Variants in SSUH2 observed in about 807,000 individuals in gnomAD.
SSUH2 encodes protein SSUH2 homolog.
SSUH2 carries 47 observed loss-of-function variants against 55.3 expected under a neutral mutation model. That is an observed-to-expected ratio of 0.85 (90% confidence interval 0.67 to 1.08). SSUH2 has a LOEUF of 1.08. Among genes scored for constraint, SSUH2 ranks in the 50% least tolerant of loss-of-function variants. The probability of loss-of-function intolerance (pLI) is 0.00; values close to 1 mark genes in which losing one functional copy is unlikely to be tolerated. For synonymous variants in SSUH2, 212 were observed against 191.5 expected, an observed-to-expected ratio of 1.11 and a Z score of -0.89; for missense variants, 535 against 490.7, an observed-to-expected ratio of 1.09 and a Z score of -0.85.
chr3:8,621,903 G>A (rs562454452), intron 11 of SSUH2, among the ~76,000 whole-genome samples: 61 of 152,196 alleles, frequency 4.0e-4, no homozygotes, highest in Non-Finnish European at 7.2e-4. Flanking sequence ...AGATCCAATG[G>A]AGAGCATGGC....
In SSUH2 at chr3:8,626,092, T is replaced by A. The variant is rs538097992; in HGVS notation, c.767+137A>T. ...CCCCACACTGCCTCTTCCAAGGGAA[T>A]TCTCCCCCTTCTAAGTCCTGGCAGG... On this transcript the variant is annotated intron_variant, in intron 9 of 11. Transcript: ENST00000544814. The A allele has an allele frequency of 2.2e-5, 16 of 715,004 alleles. 1 individual carries two copies. In the Admixed American group the frequency reaches 3.0e-4, roughly 13 times the overall value. The allele number at this position is 715,004 out of a possible 1,614,324, so 44.3% of individuals were successfully genotyped here.
intron 3 of SSUH2, 41 bp downstream of exon 3, chr3:8,635,259 T>G: frequency 6.8e-7 from 1 of 1,481,000 alleles, no homozygotes; most frequent in Non-Finnish European, 9.1e-7. Flanking sequence ...AATAGTGACA[T>G]AGGAAATGCA....
intron 1 of SSUH2, chr3:8,639,912 A>C: frequency 2.1e-6 from 2 of 955,292 alleles, no homozygotes; most frequent in Non-Finnish European, 1.2e-6. Flanking sequence ...GGAATCCAAC[A>C]GGCACACGTA....
intron 7 of SSUH2, among the ~76,000 whole-genome samples, chr3:8,655,863 C>T (rs1361503818): frequency 2.6e-5 from 4 of 152,184 alleles, no homozygotes; most frequent in African/African-American, 7.2e-5. Context: ...TTTCAAAACC[C>T]GCTCTGTTCT....
intron 6 of SSUH2, among the ~76,000 whole-genome samples, chr3:8,659,201 G>A (rs753630665): frequency 7.0e-4 from 106 of 151,930 alleles, no homozygotes; most frequent in Non-Finnish European, 2.4e-4. Flanking sequence ...CTTTGTGGTT[G>A]CTTTTTTTTT....
chr3:8,659,589 G>A, intron 6 of SSUH2: 1 of 338,224 alleles, frequency 3.0e-6, no homozygotes, highest in South Asian at 2.4e-5. Flanking sequence ...TTTCCAGCTG[G>A]GTTGGAAGAA....
intron 4 of SSUH2, 39 bp downstream of exon 4, chr3:8,633,627 C>A (rs933175497): frequency 1.4e-6 from 2 of 1,470,490 alleles, no homozygotes; most frequent in East Asian, 2.4e-5. Flanking sequence ...AGCTCCCCAG[C>A]CCCCCGGCCA....
At chr3:8,646,684 C>A (rs867849770), upstream of SSUH2, among the ~76,000 whole-genome samples, 4 of 152,194 alleles carry the variant, frequency 2.6e-5, no homozygotes, top group African/African-American at 9.7e-5. Flanking sequence ...TTGAGTGACT[C>A]GGGGCAAGTA....
At chr3:8,654,328 A>T (rs1385245922) in intron 7 of SSUH2, among the ~76,000 whole-genome samples, 2 of 152,232 alleles carry the variant, frequency 1.3e-5, no homozygotes, top group East Asian at 3.8e-4. Flanking sequence ...GCTTCAACAG[A>T]TGAATTTTCA....
intron 11 of SSUH2, 111 bp from the exon 12 acceptor site, chr3:8,620,125 G>A (rs1172853612): frequency 1.6e-6 from 2 of 1,212,344 alleles, no homozygotes; most frequent in East Asian, 5.1e-5. Flanking sequence ...TCCTGCTCTG[G>A]AGTTGGCATT....
intron 11 of SSUH2, among the ~76,000 whole-genome samples, chr3:8,621,193 G>C (rs1453311505): frequency 6.6e-6 from 1 of 152,218 alleles, no homozygotes. Flanking sequence ...TTCTGCACAA[G>C]ATGTTCCCCT....
chr3:8,680,023 A>G (rs1168364292), intron 1 of SSUH2, among the ~76,000 whole-genome samples: 1 of 152,062 alleles, frequency 6.6e-6, no homozygotes, highest in Non-Finnish European at 1.5e-5. Flanking sequence ...GAGTTAAGGG[A>G]AAAACTTCCA....
chr3:8,671,118 G>C (rs1165150768), exon 5 of SSUH2: 4 of 246,486 alleles, frequency 1.6e-5, no homozygotes, highest in Non-Finnish European at 3.7e-5. Flanking sequence ...TGATGGCAGG[G>C]TCTACACGTC....
At chr3:8,673,127 A>C (rs9854855) in intron 3 of SSUH2, among the ~76,000 whole-genome samples, 2 of 151,860 alleles carry the variant, frequency 1.3e-5, no homozygotes, top group Non-Finnish European at 2.9e-5. Flanking sequence ...TAATTATTAC[A>C]AGCTAATATT....
chr3:8,634,314 C>A (rs1699514008), intron 3 of SSUH2: 4 of 1,151,132 alleles, frequency 3.5e-6, no homozygotes, highest in Non-Finnish European at 1.1e-6. Context: ...GGACGACAGA[C>A]AGGGACCCTA....
At chr3:8,657,864 A>G (rs1703086979) in intron 7 of SSUH2, among the ~76,000 whole-genome samples, 1 of 152,262 alleles carries the variant, frequency 6.6e-6, no homozygotes, top group Non-Finnish European at 1.5e-5. Context: ...GTATGTGTGC[A>G]TATCTGCTGG....
intron 5 of SSUH2, among the ~76,000 whole-genome samples, chr3:8,670,109 G>A (rs1463911994): frequency 6.6e-6 from 1 of 152,162 alleles, no homozygotes; most frequent in Non-Finnish European, 1.5e-5. Flanking sequence ...GTAGACAAGA[G>A]AGGAGGTGAA....
At chr3:8,681,000 C>A (rs1331860608) in intron 1 of SSUH2, among the ~76,000 whole-genome samples, 1 of 151,142 alleles carries the variant, frequency 6.6e-6, no homozygotes, top group Non-Finnish European at 1.5e-5. Flanking sequence ...GGACCCCCAT[C>A]GCAGTGGGGG....
At chr3:8,673,700 A>T (rs1161157687) in intron 3 of SSUH2, among the ~76,000 whole-genome samples, 1 of 152,194 alleles carries the variant, frequency 6.6e-6, no homozygotes, top group Non-Finnish European at 1.5e-5. Flanking sequence ...CATGCACCAG[A>T]CCAGCTGATT....
Sources: gnomAD v4.1 joint callset for allele counts (sites outside exome capture counted in the v4.1 genomes callset) on GRCh38, gnomAD v4.1.1 for gene constraint, MANE v1.5 for transcripts, NCBI Gene and HGNC (gene_info 2026-07-23, HGNC 2026-07-21) for gene names.